Variants in ABCB4 observed in about 807,000 individuals in gnomAD.
ABCB4 encodes ATP binding cassette subfamily B member 4, also known as phosphatidylcholine translocator ABCB4.
In ABCB4, 76 loss-of-function variants were observed where a neutral mutation model predicts 145.7. That is an observed-to-expected ratio of 0.52 (90% CI 0.43 to 0.63). ABCB4 has a LOEUF of 0.63. Ranked by LOEUF, ABCB4 falls within the 30% of genes least tolerant of loss-of-function variation. The pLI is 0.00. For synonymous variants in ABCB4, 517 were observed against 566.8 expected, an observed-to-expected ratio of 0.91 and a Z score of 1.25; for missense variants, 1,234 against 1,553.1, an observed-to-expected ratio of 0.79 and a Z score of 3.45.
chr7:87,389,900 T>A, the ABCB4 span, among the ~76,000 whole-genome samples: 1 of 147,364 alleles, frequency 6.8e-6, no homozygotes, highest in African/African-American at 2.5e-5. Flanking sequence ...TCACGCGGTA[T>A]TTTTTTTTTA....
the ABCB4 span, chr7:87,375,784 G>A: frequency 1.9e-6 from 3 of 1,612,410 alleles, no homozygotes; most frequent in Admixed American, 1.7e-5. Context: ...TTGATGTATT[G>A]TATTTCAGTT....
the ABCB4 span, among the ~76,000 whole-genome samples, chr7:87,388,551 G>A: frequency 6.6e-6 from 1 of 152,176 alleles, no homozygotes; most frequent in Non-Finnish European, 1.5e-5. Context: ...AATAAACGAT[G>A]TTGGGAAAAC....
At chr7:87,432,483 T>G (rs1229250765) in intron 14 of ABCB4, among the ~76,000 whole-genome samples, 1 of 152,212 alleles carries the variant, frequency 6.6e-6, no homozygotes, top group East Asian at 1.9e-4. Context: ...CAAATATTCA[T>G]CAATTGGCAA....
chr7:87,472,980 A>T (rs1391240367), intron 2 of ABCB4, among the ~76,000 whole-genome samples: 4 of 152,156 alleles, frequency 2.6e-5, no homozygotes, highest in Non-Finnish European at 4.4e-5. Context: ...TTCTAAAATT[A>T]AAAAAAATCA....
At chr7:87,468,930 C>CA (rs1446648729) in intron 3 of ABCB4, among the ~76,000 whole-genome samples, 1 of 86,322 alleles carries the variant, frequency 1.2e-5, no homozygotes, top group East Asian at 3.5e-4. Context: ...AACTCCGTCT[C>CA]AAAAAATAAA....
intron 6 of ABCB4, 39 bp downstream of exon 6, chr7:87,452,905 A>G (rs773012739): frequency 1.9e-6 from 3 of 1,592,644 alleles, no homozygotes; most frequent in Non-Finnish European, 2.6e-6. Context: ...CACAGTAATT[A>G]ATTTCTATAT....
intron 26 of ABCB4, among the ~76,000 whole-genome samples, chr7:87,405,583 C>G (rs45508495): frequency 1.1e-3 from 169 of 152,116 alleles, no homozygotes; most frequent in African/African-American, 4.0e-3. Context: ...CCCACCACGA[C>G]GCCTGGTTGA....
chr7:87,388,991 A>G, the ABCB4 span, among the ~76,000 whole-genome samples: 2 of 152,232 alleles, frequency 1.3e-5, no homozygotes. Context: ...TCAAAAGAAG[A>G]CATTTATGTG....
intron 12 of ABCB4, among the ~76,000 whole-genome samples, chr7:87,442,528 C>T (rs1013905659): frequency 2.0e-5 from 3 of 152,040 alleles, no homozygotes; most frequent in Non-Finnish European, 2.9e-5. Flanking sequence ...TTGTATATTG[C>T]ATTAATGTTA....
intron 16 of ABCB4, among the ~76,000 whole-genome samples, chr7:87,425,398 T>A (rs1351481380): frequency 6.6e-6 from 1 of 152,192 alleles, no homozygotes; most frequent in Non-Finnish European, 1.5e-5. Context: ...CTTATAATAA[T>A]GACGCTCCAA....
chr7:87,445,118 T>G (rs1811259034), intron 9 of ABCB4, 143 bp from the exon 10 acceptor site: 3 of 654,176 alleles, frequency 4.6e-6, no homozygotes. Context: ...GAGCAACATT[T>G]GCAAGGCTAA....
At chr7:87,380,367 C>T in the ABCB4 span, among the ~76,000 whole-genome samples, 3 of 152,240 alleles carry the variant, frequency 2.0e-5, no homozygotes, top group East Asian at 5.8e-4. Flanking sequence ...ACAATAGTTA[C>T]TAATTATTGC....
At chr7:87,461,981 A>G (rs1812488268) in intron 4 of ABCB4, among the ~76,000 whole-genome samples, 1 of 152,222 alleles carries the variant, frequency 6.6e-6, no homozygotes, top group South Asian at 2.1e-4. Flanking sequence ...GTGCAACAGT[A>G]AAGCTTCACT....
the ABCB4 span, among the ~76,000 whole-genome samples, chr7:87,371,619 T>C: frequency 6.6e-6 from 1 of 152,228 alleles, no homozygotes; most frequent in African/African-American, 2.4e-5. Context: ...CACAGTGGCA[T>C]TGTTTTTTCT....
At chr7:87,447,552 G>T (rs762583629) in intron 8 of ABCB4, among the ~76,000 whole-genome samples, 2 of 152,314 alleles carry the variant, frequency 1.3e-5, no homozygotes, top group African/African-American at 2.4e-5. Context: ...GGGAATGAGA[G>T]AAACCAAGCC....
intron 23 of ABCB4, 45 bp downstream of exon 23, chr7:87,411,848 A>G (rs1217269858): frequency 6.3e-7 from 1 of 1,591,022 alleles, no homozygotes; most frequent in South Asian, 1.1e-5. Context: ...TAAACCTACT[A>G]AAACCTTATT....
chr7:87,475,511 T>C lies in ABCB4; in HGVS notation c.-6-40A>G, dbSNP rs201514328. 3.4e-4 allele frequency: 542 copies of C among 1,606,684 alleles called. 1 individual carries two copies. The highest frequency in any genetic ancestry group is 4.3e-4 in the Non-Finnish European group (506 of 1,174,640). On this transcript the variant is annotated intron_variant, in intron 1 of 27. Transcript: ENST00000649586. Reference sequence around the variant, plus strand: ...CAGCCTCAGAACCAAGTACACCCTCTCCGGCGGCCCGGCGCACGAGTCGCG... The same window carrying C: ...CAGCCTCAGAACCAAGTACACCCTCCCCGGCGGCCCGGCGCACGAGTCGCG...
At chr7:87,393,524 T>C in the ABCB4 span, among the ~76,000 whole-genome samples, 1 of 152,184 alleles carries the variant, frequency 6.6e-6, no homozygotes, top group Non-Finnish European at 1.5e-5. Flanking sequence ...GTGTGGAGTT[T>C]GACTTATGTT....
the ABCB4 span, chr7:87,382,405 C>G: frequency 6.2e-7 from 1 of 1,608,104 alleles, no homozygotes; most frequent in Non-Finnish European, 8.5e-7. Flanking sequence ...TTTAATTCTT[C>G]TTGTTAGGCA....
Sources: allele counts gnomAD v4.1 joint callset (sites outside exome capture counted in the v4.1 genomes callset), GRCh38; gene constraint gnomAD v4.1.1; transcripts MANE v1.5; gene names NCBI Gene and HGNC (gene_info 2026-07-23, HGNC 2026-07-21).